Variants in CDH13 observed in about 807,000 individuals in gnomAD.
CDH13 encodes cadherin-13.
CDH13 carries 24 observed loss-of-function variants against 63.8 expected under a neutral mutation model. That is an observed-to-expected ratio of 0.38 (90% CI 0.27 to 0.53). CDH13 has a LOEUF of 0.53. Ranked by LOEUF, CDH13 falls within the 20% of genes least tolerant of loss-of-function variation. The pLI is 0.85. For missense variants in CDH13, 1,049 were observed against 903.1 expected (o/e 1.16, Z -2.07); for synonymous variants, 503 against 355.3 (o/e 1.42, Z -4.67).
Position 83,646,692 on chromosome 16 carries a change from CAAAAAAAAAAAAAA to C in CDH13, c.1102-24090_1102-24077del, listed in dbSNP as rs199756336. Among the ~76,000 whole-genome samples, 105 of 72,688 alleles carry C rather than the reference CAAAAAAAAAAAAAA, an allele frequency of 1.4e-3. 1 individual carries two copies. The highest frequency in any genetic ancestry group is 1.8e-3 in the South Asian group (4 of 2,256). 47.7% of individuals were successfully genotyped at this position (72,688 alleles called of 152,430 possible). A position where few individuals can be genotyped will look rare whatever the true frequency, so the allele number is the denominator to read the frequency against. On this transcript the variant is annotated intron_variant, in intron 8 of 13. Transcript: ENST00000567109. ...GGGTGACAAGAGCAAGACTCCGTCT[CAAAAAAAAAAAAAA>C]AAAAAAACACACACACACACACACA...
intron 1 of CDH13, among the ~76,000 whole-genome samples, chr16:82,760,252 G>A (rs1376709639): frequency 6.6e-6 from 1 of 152,150 alleles, no homozygotes; most frequent in Non-Finnish European, 1.5e-5. Flanking sequence ...AAGGAACATA[G>A]TACCGCCCCC....
intron 1 of CDH13, among the ~76,000 whole-genome samples, chr16:82,691,385 A>G (rs1348718639): frequency 6.6e-6 from 1 of 152,192 alleles, no homozygotes; most frequent in African/African-American, 2.4e-5. Flanking sequence ...TGCAAAATCC[A>G]TACCCAGGAA....
chr16:82,775,410 C>G (rs1375198655), intron 1 of CDH13, among the ~76,000 whole-genome samples: 1 of 152,218 alleles, frequency 6.6e-6, no homozygotes, highest in Non-Finnish European at 1.5e-5. Flanking sequence ...CCTTCTCTGA[C>G]TTTTACTTTT....
intron 1 of CDH13, among the ~76,000 whole-genome samples, chr16:82,855,240 T>G (rs1195766505): frequency 1.3e-5 from 2 of 152,212 alleles, no homozygotes; most frequent in Non-Finnish European, 2.9e-5. Context: ...GAATGGGCCC[T>G]GCAAAGTAAT....
chr16:82,958,262 G>A (rs920557798), intron 2 of CDH13, among the ~76,000 whole-genome samples: 4 of 152,180 alleles, frequency 2.6e-5, no homozygotes, highest in East Asian at 3.9e-4. Context: ...TAGCTGAGAC[G>A]CTTCACCTAG....
At chr16:83,055,514 C>G in intron 3 of CDH13, among the ~76,000 whole-genome samples, 1 of 151,410 alleles carries the variant, frequency 6.6e-6, no homozygotes, top group Non-Finnish European at 1.5e-5. Context: ...TTAAAACTGG[C>G]AAATTCTGTA....
At position 82,864,850 on chromosome 16, in the gene CDH13, A is replaced by G. The variant is rs562778629; in HGVS notation, c.157+6377A>G. Among the ~76,000 whole-genome samples the G allele has an allele frequency of 9.8e-5, 15 of 152,334 alleles. No homozygotes were observed. The East Asian group carries it at 2.9e-3, about 29-fold the overall frequency. ...CCAAGTCCAAAGTCTCAACTGAGAC[A>G]AGGCAAGTCCCTTCCACCTAGAGGC... is the stretch of plus-strand genomic sequence containing the variant. On this transcript the variant is annotated intron_variant, in intron 2 of 13. Transcript: ENST00000567109.
At chr16:82,840,948 T>G (rs1567589223) in intron 1 of CDH13, among the ~76,000 whole-genome samples, 1 of 152,084 alleles carries the variant, frequency 6.6e-6, no homozygotes, top group Non-Finnish European at 1.5e-5. Context: ...TGAGGAGGCT[T>G]GGGTAGAAGA....
chr16:83,142,012 G>T (rs1459453556), intron 4 of CDH13, among the ~76,000 whole-genome samples: 5 of 152,156 alleles, frequency 3.3e-5, no homozygotes, highest in African/African-American at 1.2e-4. Context: ...CCAGAAAGTG[G>T]GGATGTACCA....
chr16:83,479,732 C>T (rs1598115472), intron 6 of CDH13, among the ~76,000 whole-genome samples: 1 of 152,018 alleles, frequency 6.6e-6, no homozygotes, highest in South Asian at 2.1e-4. Flanking sequence ...TTTGTGCATT[C>T]TCAAAGGGGG....
At chr16:83,421,670 C>T (rs1166158446) in intron 6 of CDH13, among the ~76,000 whole-genome samples, 1 of 152,176 alleles carries the variant, frequency 6.6e-6, no homozygotes, top group African/African-American at 2.4e-5. Context: ...TACATGGCCA[C>T]CCCTACTGTT....
chr16:82,985,389 C>G (rs1007171698), intron 2 of CDH13, among the ~76,000 whole-genome samples: 1 of 151,926 alleles, frequency 6.6e-6, no homozygotes, highest in Admixed American at 6.6e-5. Context: ...ATGGTAGTTA[C>G]TTTTGGAGGA....
intron 11 of CDH13, among the ~76,000 whole-genome samples, chr16:83,777,971 G>A (rs1419722724): frequency 6.6e-6 from 1 of 152,166 alleles, no homozygotes; most frequent in Non-Finnish European, 1.5e-5. Context: ...TAGCCAAGAG[G>A]CCAAGAAACG....
chr16:83,158,829 G>A (rs1460264595), intron 4 of CDH13, among the ~76,000 whole-genome samples: 2 of 152,194 alleles, frequency 1.3e-5, no homozygotes, highest in Non-Finnish European at 2.9e-5. Flanking sequence ...GAAGGGCGGC[G>A]GGGTGGTCCT....
chr16:82,667,334 A>C (rs994678168), intron 1 of CDH13, among the ~76,000 whole-genome samples: 11 of 152,208 alleles, frequency 7.2e-5, no homozygotes, highest in Non-Finnish European at 1.6e-4. Context: ...AGGCTTGCGA[A>C]GGCGCGTACT....
intron 5 of CDH13, among the ~76,000 whole-genome samples, chr16:83,260,143 C>CACAT (rs1555521066): frequency 6.7e-6 from 1 of 148,196 alleles, no homozygotes; most frequent in Admixed American, 6.8e-5. Context: ...CACACACACA[C>CACAT]GCTCTCTCAA....
chr16:83,763,020 G>A (rs1042725465), intron 11 of CDH13, among the ~76,000 whole-genome samples: 21 of 152,102 alleles, frequency 1.4e-4, no homozygotes, highest in African/African-American at 3.4e-4. Context: ...CCATCTCTAC[G>A]GGGCCCGTAT....
chr16:82,767,060 A>G (rs1293869305), intron 1 of CDH13, among the ~76,000 whole-genome samples: 2 of 152,330 alleles, frequency 1.3e-5, no homozygotes, highest in East Asian at 1.9e-4. Flanking sequence ...GACACATTTC[A>G]AAATAAATTG....
At chr16:82,846,711 A>C (rs951445195) in intron 1 of CDH13, among the ~76,000 whole-genome samples, 2 of 152,312 alleles carry the variant, frequency 1.3e-5, no homozygotes, top group African/African-American at 2.4e-5. Context: ...CTAGATAATA[A>C]GTTTTTTAAG....
Sources: allele counts gnomAD v4.1 joint callset (sites outside exome capture counted in the v4.1 genomes callset), GRCh38; gene constraint gnomAD v4.1.1; transcripts MANE v1.5; gene names NCBI Gene and HGNC (gene_info 2026-07-23, HGNC 2026-07-21).